The following SMG1 variants were observed in gnomAD, a reference collection of about 807,000 sequenced individuals.
SMG1 encodes the protein serine/threonine-protein kinase SMG1.
Under a neutral mutation model 419.9 loss-of-function variants are expected in SMG1, and 22 were observed. The observed-to-expected ratio is 0.05, with a 90% CI of 0.04 to 0.07. The LOEUF is 0.07. SMG1 is among the 10% of genes least tolerant of loss of function. SMG1 has a pLI of 1.00. For missense variants in SMG1, 3,185 were observed against 4,342.0 expected, an observed-to-expected ratio of 0.73 and a Z score of 7.49; for synonymous variants, 1,538 against 1,553.5, an observed-to-expected ratio of 0.99 and a Z score of 0.23.
rs886645533 is a variant in SMG1, at chr16:18,807,705, C to T, written c.*1864G>A. On this transcript the variant is annotated 3_prime_UTR_variant, in exon 63 of 63. Coordinates refer to ENST00000446231, the MANE Select transcript of SMG1 (RefSeq NM_015092.5). ...GTGAAGACGGCAACTAGAAAGTGAC[C>T]ACTGTCCTAATCTCTAAAATGCAGG... 6 of 152,074 alleles carry T rather than the reference C, an allele frequency of 3.9e-5. No individual in the cohort carries two copies. Among genetic ancestry groups the T allele is most frequent in the African/African-American group, 1.4e-4 (6 of 41,416 alleles). The allele number at this position is 152,074 out of a possible 1,614,324, so 9.4% of individuals were successfully genotyped here.
At chr16:18,882,092 G>C in intron 10 of SMG1, 73 bp downstream of exon 10, 4 of 1,035,190 alleles carry the variant, frequency 3.9e-6, no homozygotes, top group Non-Finnish European at 5.4e-6. Flanking sequence ...CAGTTCACCA[G>C]GTAAAGAGAA....
At chr16:18,843,058 G>A (rs1373903566) in intron 39 of SMG1, among the ~76,000 whole-genome samples, 3 of 152,152 alleles carry the variant, frequency 2.0e-5, no homozygotes, top group Non-Finnish European at 4.4e-5. Flanking sequence ...CCAATTAGGG[G>A]CTTTTAGCAA....
chr16:18,875,878 C>G (rs1157382427), intron 13 of SMG1: 4 of 535,188 alleles, frequency 7.5e-6, no homozygotes, highest in Admixed American at 7.3e-5. Flanking sequence ...AAGACATTTT[C>G]TAGAAAATAA....
At chr16:18,852,284 G>T (rs768357566) in intron 32 of SMG1, 34 bp downstream of exon 32, 25 of 1,604,462 alleles carry the variant, frequency 1.6e-5, no homozygotes, top group Non-Finnish European at 2.1e-5. Flanking sequence ...ATCTATTTAT[G>T]CAATGCATAA....
chr16:18,829,583 G>A lies in SMG1; in HGVS notation c.9306C>T (p.Leu3102=), dbSNP rs762319410. The change falls in exon 54 of 63, where the codon CTC becomes CTT. Residue 3102 remains leucine, a synonymous_variant. Transcript: ENST00000446231. ...TGATAAAACTGCACAGTGTGAGTCC[G>A]AGGGCTTGGTTGGGTAGCCCTATCA... ...QLLIGLPNQA[L]GLTLCSFISA... is the part of the protein sequence containing the mutation. The A allele has an allele frequency of 1.7e-5, 28 of 1,613,846 alleles. No homozygotes were observed. The highest frequency in any genetic ancestry group is 3.3e-4 in the Middle Eastern group (2 of 6,084).
intron 36 of SMG1, 130 bp from the exon 37 acceptor site, chr16:18,848,163 G>A: frequency 1.4e-6 from 1 of 714,586 alleles, no homozygotes; most frequent in Non-Finnish European, 2.3e-6. Context: ...TCCAGGCATA[G>A]AACTGATTAA....
At chr16:18,885,781 T>C (rs1426009759) in intron 6 of SMG1, 115 bp from the exon 7 acceptor site, 36 of 952,084 alleles carry the variant, frequency 3.8e-5, no homozygotes, top group Non-Finnish European at 5.4e-5. Context: ...CCAAGAAAAA[T>C]AGATTCTGTA....
rs757690418 is a variant in SMG1 at position 18,869,244 on chromosome 16, T to A, written c.2693A>T (p.Gln898Leu). 8 of 1,611,692 alleles carry A rather than the reference T, an allele frequency of 5.0e-6. No individual in the cohort carries two copies. Among genetic ancestry groups the A allele is most frequent in the Non-Finnish European group, 5.9e-6 (7 of 1,179,588 alleles). The change falls in exon 20 of 63, where the codon CAG (glutamine) becomes CTG (leucine). Residue 898 changes from glutamine (Q) to leucine (L), a missense_variant. Coordinates refer to ENST00000446231, the MANE Select transcript of SMG1 (RefSeq NM_015092.5). ...YSCQRLDKRD[Q>L]STIPRNLLKT... ...CAGGAGATTGCGTGGAATTGTTGAC[T>A]GGTCACGCTTATCCAGTCTCTGGCA...
rs1567314464 is a variant in SMG1 at position 18,816,515 on chromosome 16, T to C, written c.10089A>G (p.Glu3363=). The C allele has an allele frequency of 6.2e-7, 1 of 1,613,948 alleles. No homozygotes were observed. Among genetic ancestry groups the C allele is most frequent in the Non-Finnish European group, 8.5e-7 (1 of 1,179,848 alleles). ...GCCATTCAGAGCTGCCAATAGGATG[T>C]TCAAGACCAGTGTCCTAAATAGAAC... ...RLLQRVDTGL[E]HPIGSSEWLL... Residue 3363 remains glutamate, a synonymous_variant, in exon 58 of 63, where the codon GAA becomes GAG. Transcript: ENST00000446231.
intron 39 of SMG1, among the ~76,000 whole-genome samples, chr16:18,843,839 G>T (rs552936872): frequency 6.6e-6 from 1 of 152,274 alleles, no homozygotes; most frequent in South Asian, 2.1e-4. Context: ...CTGGTTGTGG[G>T]TGGGGAGATA....
chr16:18,834,150 A>G (rs952188302), intron 50 of SMG1, 54 bp downstream of exon 50: 35 of 1,312,800 alleles, frequency 2.7e-5, no homozygotes, highest in Middle Eastern at 2.5e-4. Context: ...AAGAGATGAG[A>G]AAGACAATAT....
intron 6 of SMG1, among the ~76,000 whole-genome samples, chr16:18,887,288 C>G (rs939720913): frequency 1.3e-5 from 2 of 152,128 alleles, no homozygotes; most frequent in Admixed American, 1.3e-4. Flanking sequence ...TGTTTAGTTA[C>G]AGGTAATTTT....
At chr16:18,866,891 T>G (rs1298684392) in intron 22 of SMG1, 116 bp from the exon 23 acceptor site, 26 of 660,928 alleles carry the variant, frequency 3.9e-5, no homozygotes, top group African/African-American at 1.1e-4. Context: ...AACAATTATT[T>G]TCACAATTTT....
chr16:18,837,471 A>G (rs764063599), intron 45 of SMG1, 28 bp from the exon 46 acceptor site: 3 of 1,582,370 alleles, frequency 1.9e-6, no homozygotes, highest in Non-Finnish European at 2.6e-6. Flanking sequence ...GATTAAGAAG[A>G]CTCTTACAGG....
chr16:18,829,509 C>A lies in SMG1; in HGVS notation c.9380G>T (p.Gly3127Val), dbSNP rs1403686939. The A allele has an allele frequency of 6.2e-7, 1 of 1,613,900 alleles. No homozygotes were observed. Among genetic ancestry groups the A allele is most frequent in the African/African-American group, 1.3e-5 (1 of 74,926 alleles). Residue 3127 changes from glycine (G) to valine (V), a missense_variant, in exon 54 of 63, where the codon GGT (glycine) becomes GTT (valine). By Grantham distance (109) the Gly-to-Val change is moderately radical (BLOSUM62 -3). Around this residue, in one of 27 missense-constraint regions of SMG1, gnomAD observed 737 missense variants for 846.6 expected, o/e 0.87. Coordinates refer to ENST00000446231, the MANE Select transcript of SMG1 (RefSeq NM_015092.5). ...ATCAACAGAAACTTTGCTTTCGGCA[C>A]CAAAGTCCTTTGCCTCTACTTGAGC... ...IIAQVEAKDF[G>V]AESKVSVDDL...
intron 3 of SMG1, among the ~76,000 whole-genome samples, 185 bp from the exon 4 acceptor site, chr16:18,892,539 C>T (rs1173508861): frequency 1.3e-5 from 2 of 152,170 alleles, no homozygotes; most frequent in Non-Finnish European, 2.9e-5. Flanking sequence ...GCCTGGGCAA[C>T]ATGGTGAAAC....
rs1477001190 is a variant in SMG1, at chr16:18,881,922, T to C, written c.1293+243A>G. Reference sequence around the variant, plus strand: ...AAAACGAAAGAATAAGATTTAAAAATTCAGAGTGGCCTTTTGTCATGGGAG... The same window carrying C: ...AAAACGAAAGAATAAGATTTAAAAACTCAGAGTGGCCTTTTGTCATGGGAG... On this transcript the variant is annotated intron_variant, in intron 10 of 62. Coordinates refer to ENST00000446231, the MANE Select transcript of SMG1 (RefSeq NM_015092.5). Among the ~76,000 whole-genome samples the C allele has an allele frequency of 3.3e-5, 5 of 152,122 alleles. No individual in the cohort carries two copies. In the East Asian group the frequency reaches 7.7e-4, roughly 23 times the overall value.
At chr16:18,828,376 A>G (rs1235524400) in intron 54 of SMG1, among the ~76,000 whole-genome samples, 1 of 152,196 alleles carries the variant, frequency 6.6e-6, no homozygotes, top group African/African-American at 2.4e-5. Flanking sequence ...CATGGCTAAT[A>G]AATTTCTTGG....
chr16:18,851,007 G>A (rs1005397511), intron 33 of SMG1, among the ~76,000 whole-genome samples: 3 of 151,994 alleles, frequency 2.0e-5, no homozygotes, highest in Admixed American at 6.6e-5. Context: ...CGCCTGCCTC[G>A]GCTTCTCAAA....
Sources: gnomAD v4.1 joint callset for allele counts (sites outside exome capture counted in the v4.1 genomes callset) on GRCh38, gnomAD v4.1.1 for gene constraint, gnomAD v4.1.1 regional missense constraint, MANE v1.5 for transcripts, NCBI Gene and HGNC (gene_info 2026-07-23, HGNC 2026-07-21) for gene names.